The following NBEA variants were observed in gnomAD, a reference collection of about 807,000 sequenced individuals.
The protein encoded by NBEA is neurobeachin.
A neutral mutation model predicts 343.4 loss-of-function variants in NBEA; 44 were observed. That is an observed-to-expected ratio of 0.13 (90% CI 0.10 to 0.16). The LOEUF is 0.16. Ranked by LOEUF, NBEA falls within the 10% of genes least tolerant of loss-of-function variation. The pLI is 1.00. For missense variants in NBEA, 2,555 were observed against 3,631.3 expected (o/e 0.70, Z 7.62); for synonymous variants, 1,175 against 1,238.7 (o/e 0.95, Z 1.08).
intron 40 of NBEA, among the ~76,000 whole-genome samples, chr13:35,467,611 G>C (rs2075443779): frequency 6.6e-6 from 1 of 151,962 alleles, no homozygotes; most frequent in African/African-American, 2.4e-5. Flanking sequence ...TTTTTGTCCT[G>C]ATTTCTTTGG....
intron 30 of NBEA, among the ~76,000 whole-genome samples, chr13:35,188,839 T>G (rs1268419972): frequency 1.3e-5 from 2 of 152,070 alleles, no homozygotes; most frequent in East Asian, 3.9e-4. Context: ...TAATTTTCAT[T>G]CCTATCAACA....
chr13:35,434,024 C>T (rs1417255078), intron 39 of NBEA, among the ~76,000 whole-genome samples: 1 of 151,966 alleles, frequency 6.6e-6, no homozygotes, highest in East Asian at 1.9e-4. Context: ...GTTGCCAAAG[C>T]TTTAATTGTA....
chr13:35,013,295 C>G (rs911026704), intron 1 of NBEA, among the ~76,000 whole-genome samples: 1 of 152,008 alleles, frequency 6.6e-6, no homozygotes, highest in Non-Finnish European at 1.5e-5. Context: ...CCCCTAGAAA[C>G]TTACTGTTTT....
At chr13:35,057,347 C>T (rs2063308415) in intron 7 of NBEA, among the ~76,000 whole-genome samples, 1 of 152,100 alleles carries the variant, frequency 6.6e-6, no homozygotes. Flanking sequence ...AGACTACACC[C>T]TATGAGCCAA....
At chr13:35,304,150 C>T (rs537729432) in intron 35 of NBEA, among the ~76,000 whole-genome samples, 1 of 152,176 alleles carries the variant, frequency 6.6e-6, no homozygotes, top group African/African-American at 2.4e-5. Context: ...ATATTCTCTT[C>T]GACAAGAAGA....
At chr13:35,642,052 A>G (rs568086740) in intron 49 of NBEA, among the ~76,000 whole-genome samples, 3 of 152,318 alleles carry the variant, frequency 2.0e-5, no homozygotes, top group African/African-American at 7.2e-5. Flanking sequence ...ATGTTATTCT[A>G]CCAAAGTGTT....
chr13:35,322,299 G>A (rs1456658767), intron 36 of NBEA, among the ~76,000 whole-genome samples: 1 of 152,200 alleles, frequency 6.6e-6, no homozygotes, highest in African/African-American at 2.4e-5. Context: ...CTGGGCCGGA[G>A]TCCACCGTTC....
At position 35,643,007 on chromosome 13, in the gene NBEA, A is replaced by G. The variant is rs1217094076; in HGVS notation, c.7618-2862A>G. Among the ~76,000 whole-genome samples, 5 of 151,888 alleles carry G rather than the reference A, an allele frequency of 3.3e-5. No homozygotes were observed. The East Asian group carries it at 9.6e-4, about 29-fold the overall frequency. On this transcript the variant is annotated intron_variant, in intron 49 of 58. Transcript: ENST00000379939. Reference sequence around the variant, plus strand: ...CTCACTGACCCTTGCAGACCAATGTATAGAGAAATAGATACATGTAGAATT... The same window carrying G: ...CTCACTGACCCTTGCAGACCAATGTGTAGAGAAATAGATACATGTAGAATT...
chr13:35,541,819 T>G (rs1594925613), intron 41 of NBEA, among the ~76,000 whole-genome samples: 1 of 151,988 alleles, frequency 6.6e-6, no homozygotes, highest in East Asian at 1.9e-4. Context: ...AGTAGTAGGC[T>G]GACATTTGTT....
At chr13:35,296,179 C>T (rs998209083) in intron 35 of NBEA, among the ~76,000 whole-genome samples, 2 of 151,838 alleles carry the variant, frequency 1.3e-5, no homozygotes, top group East Asian at 1.9e-4. Context: ...ATCATGAGTT[C>T]GGGACCAGCC....
At chr13:35,205,728 A>G (rs950851811) in intron 31 of NBEA, among the ~76,000 whole-genome samples, 2 of 152,120 alleles carry the variant, frequency 1.3e-5, no homozygotes, top group Non-Finnish European at 2.9e-5. Flanking sequence ...TTTGGGAGCC[A>G]TAGCAATACT....
intron 34 of NBEA, among the ~76,000 whole-genome samples, chr13:35,275,738 A>G (rs974458466): frequency 6.6e-6 from 1 of 152,346 alleles, no homozygotes. Flanking sequence ...TATGCAGCCA[A>G]CGGACACATG....
At chr13:35,608,083 G>C (rs2082355515) in intron 48 of NBEA, among the ~76,000 whole-genome samples, 1 of 151,946 alleles carries the variant, frequency 6.6e-6, no homozygotes, top group Non-Finnish European at 1.5e-5. Context: ...TGTATGTTCT[G>C]TCTCTAAGAA....
At chr13:35,513,023 T>A (rs1388816226) in intron 41 of NBEA, among the ~76,000 whole-genome samples, 3 of 152,210 alleles carry the variant, frequency 2.0e-5, no homozygotes, top group Non-Finnish European at 1.5e-5. Context: ...CAGGTTTTTT[T>A]AAAACTCTTG....
At chr13:35,358,994 G>C (rs999552653) in intron 38 of NBEA, among the ~76,000 whole-genome samples, 1 of 152,184 alleles carries the variant, frequency 6.6e-6, no homozygotes, top group Non-Finnish European at 1.5e-5. Flanking sequence ...GGAGCTTAGT[G>C]AATATTGGGA....
At chr13:35,299,524 C>A (rs1038589647) in intron 35 of NBEA, among the ~76,000 whole-genome samples, 1 of 152,168 alleles carries the variant, frequency 6.6e-6, no homozygotes, top group Non-Finnish European at 1.5e-5. Context: ...GGGTCCTTAA[C>A]ATGAGATCCA....
rs1480249006 is a variant in NBEA at position 35,177,161 on chromosome 13, A to G, written c.4662+58A>G. 1.2e-5 allele frequency: 16 copies of G among 1,309,606 alleles called. No homozygotes were observed. The Admixed American group carries it at 3.2e-4, about 27-fold the overall frequency. The allele number at this position is 1,309,606 out of a possible 1,614,324, so 81.1% of individuals were successfully genotyped here. On this transcript the variant is annotated intron_variant, in intron 28 of 58. Transcript: ENST00000379939. ...AACCTTCTACTGTCATTCGTATGAA[A>G]TACGTTTTATAAGAAAGCTGCTTAT...
chr13:35,210,670 C>T (rs2073710639), intron 32 of NBEA, among the ~76,000 whole-genome samples: 1 of 152,064 alleles, frequency 6.6e-6, no homozygotes, highest in Admixed American at 6.6e-5. Context: ...TAGTTCACTC[C>T]AAACTATGTC....
intron 39 of NBEA, among the ~76,000 whole-genome samples, chr13:35,448,943 A>C (rs1219046908): frequency 6.6e-6 from 1 of 152,206 alleles, no homozygotes; most frequent in Non-Finnish European, 1.5e-5. Context: ...AGGAAAGGCA[A>C]CTGAAGGAAG....
Sources: gnomAD v4.1 joint callset for allele counts (sites outside exome capture counted in the v4.1 genomes callset) on GRCh38, gnomAD v4.1.1 for gene constraint, MANE v1.5 for transcripts, NCBI Gene and HGNC (gene_info 2026-07-23, HGNC 2026-07-21) for gene names.